Variants in RBM28 observed in about 807,000 individuals in gnomAD.
RBM28 encodes the protein RNA-binding protein 28.
A neutral mutation model predicts 98.3 loss-of-function variants in RBM28; 78 were observed. That is an observed-to-expected ratio of 0.79 (90% CI 0.66 to 0.96). The LOEUF (loss-of-function observed/expected upper bound fraction) is 0.96, where lower values mean the gene tolerates loss of function less well. Ranked by LOEUF, RBM28 falls within the 40% of genes least tolerant of loss-of-function variation. The pLI is 0.00. For synonymous variants in RBM28, 306 were observed against 330.9 expected (o/e 0.92, Z 0.82); for missense variants, 838 against 913.0 (o/e 0.92, Z 1.06).
At chr7:128,312,395 C>G (rs1256026419) in intron 18 of RBM28, among the ~76,000 whole-genome samples, 2 of 152,058 alleles carry the variant, frequency 1.3e-5, no homozygotes, top group Non-Finnish European at 2.9e-5. Flanking sequence ...CAAAACTCCA[C>G]CTCAAAAAAA....
In RBM28 at chr7:128,301,811, A is replaced by G. The variant is rs886885869; in HGVS notation, c.*8986T>C. 6.6e-6 allele frequency: 1 copy of G among 152,224 alleles called. No homozygotes were observed. The highest frequency in any genetic ancestry group is 1.5e-5 in the Non-Finnish European group (1 of 68,042). The allele number at this position is 152,224 out of a possible 1,614,324, so 9.4% of individuals were successfully genotyped here. A position where few individuals can be genotyped will look rare whatever the true frequency, so the allele number is the denominator to read the frequency against. On this transcript the variant is annotated 3_prime_UTR_variant, in exon 19 of 19. Transcript: ENST00000223073. ...ACTAGGGATTCCTAGGGGGTGGCCA[A>G]GAGAAGGAAAGACACCCCCACAGGA...
intron 1 of RBM28, among the ~76,000 whole-genome samples, chr7:128,343,339 T>C (rs775659685): frequency 1.3e-5 from 2 of 152,176 alleles, no homozygotes; most frequent in South Asian, 2.1e-4. Flanking sequence ...TCCGGTAAGA[T>C]TGCTGAGAAA....
At position 128,338,329 on chromosome 7, in the gene RBM28, G is replaced by A. The variant is rs367544004; in HGVS notation, c.462C>T (p.Arg154=). The A allele has an allele frequency of 1.1e-4, 174 of 1,613,820 alleles. No homozygotes were observed. Among genetic ancestry groups the A allele is most frequent in the Non-Finnish European group, 1.3e-4 (157 of 1,179,796 alleles). ...NIPRKPDGKM[R]GFGFVQFKNL... is the part of the protein sequence containing the mutation. ...TTTTGAACTGAACAAAACCAAAACC[G>A]CGCATCTTCCCATCTGTGTGCAAAT... The change falls in exon 5 of 19, where the codon CGC becomes CGT. Residue 154 remains arginine (R), a synonymous_variant. Coordinates refer to ENST00000223073, the MANE Select transcript of RBM28 (RefSeq NM_018077.3).
At chr7:128,329,365 C>T (rs1335946344) in intron 10 of RBM28, among the ~76,000 whole-genome samples, 1 of 152,214 alleles carries the variant, frequency 6.6e-6, no homozygotes, top group Non-Finnish European at 1.5e-5. Flanking sequence ...TCCCAAAGTG[C>T]TGGGATTACA....
intron 18 of RBM28, among the ~76,000 whole-genome samples, chr7:128,311,183 C>T (rs1206232597): frequency 1.3e-5 from 2 of 152,136 alleles, no homozygotes; most frequent in Non-Finnish European, 2.9e-5. Flanking sequence ...GACTCAGGGG[C>T]CTCTCTTACT....
At chr7:128,322,744 A>C (rs1232803534) in intron 13 of RBM28, among the ~76,000 whole-genome samples, 5 of 152,162 alleles carry the variant, frequency 3.3e-5, no homozygotes, top group Non-Finnish European at 7.3e-5. Context: ...TTCTCCAGTT[A>C]AGGATGGGTC....
chr7:128,321,453 C>T, intron 13 of RBM28, 29 bp from the exon 14 acceptor site: 3 of 1,613,462 alleles, frequency 1.9e-6, no homozygotes, highest in Non-Finnish European at 2.5e-6. Flanking sequence ...GTTAACAGTA[C>T]AACCCACTCT....
chr7:128,335,519 A>T, intron 8 of RBM28, 24 bp downstream of exon 8: 2 of 1,614,080 alleles, frequency 1.2e-6, no homozygotes, highest in South Asian at 1.1e-5. Context: ...AAGTCTAAAG[A>T]CATTTATGAA....
At chr7:128,313,131 G>T in intron 18 of RBM28, 44 bp downstream of exon 18, 1 of 1,570,484 alleles carries the variant, frequency 6.4e-7, no homozygotes, top group Non-Finnish European at 8.8e-7. Flanking sequence ...CTACGACCTG[G>T]CAGAACCATG....
intron 9 of RBM28, among the ~76,000 whole-genome samples, chr7:128,332,542 A>G (rs1477639452): frequency 6.6e-6 from 1 of 152,072 alleles, no homozygotes; most frequent in African/African-American, 2.4e-5. Context: ...TTTAGTAAAA[A>G]TGGGGTTTCA....
chr7:128,315,112 G>T, intron 16 of RBM28, 92 bp from the exon 17 acceptor site: 1 of 1,542,610 alleles, frequency 6.5e-7, no homozygotes, highest in South Asian at 1.1e-5. Flanking sequence ...TGAGCTAGAT[G>T]AAAGAAGAGG....
chr7:128,336,997 A>C (rs548374001), intron 6 of RBM28, 134 bp downstream of exon 6: 2 of 926,914 alleles, frequency 2.2e-6, no homozygotes, highest in East Asian at 5.0e-5. Context: ...ATCCACCCAA[A>C]GTGCTGGAAT....
rs76852230 is a variant in RBM28, at chr7:128,325,194, A to G, written c.1204-500T>C. Among the ~76,000 whole-genome samples, 228 of 152,258 alleles carry G rather than the reference A, an allele frequency of 1.5e-3. 5 individuals carry two copies. The East Asian group carries it at 0.038, about 26-fold the overall frequency. The stretch of plus-strand genomic sequence containing the variant: ...TACAAATGGATCACTGGGCCTCACA[A>G]TATTTAGTATAGCTGTGCAAAAGGC... On this transcript the variant is annotated intron_variant, in intron 11 of 18. Coordinates refer to ENST00000223073, the MANE Select transcript of RBM28 (RefSeq NM_018077.3).
rs148028531 is a variant in RBM28 at position 128,310,804 on chromosome 7, T to C, written c.2273A>G (p.Asp758Gly). ...APLAKRSKWF[D>G]S ...CCCAGCCTGCTGCCATCATCAACTA[T>C]CAAACCATTTGCTCCTCTTTGCAAG... Residue 758 changes from aspartate to glycine, a missense_variant, in exon 19 of 19, where the codon GAT (aspartate) becomes GGT (glycine). Transcript: ENST00000223073. The C allele has an allele frequency of 1.6e-3, 2,599 of 1,614,144 alleles. 6 individuals carry two copies. The highest frequency in any genetic ancestry group is 2.0e-3 in the Non-Finnish European group (2,377 of 1,180,022).
At chr7:128,343,582 G>A (rs1796774949) in intron 1 of RBM28, 94 bp downstream of exon 1, 2 of 856,796 alleles carry the variant, frequency 2.3e-6, no homozygotes, top group Non-Finnish European at 3.6e-6. Flanking sequence ...CTTCTCTTCG[G>A]GGAGGGTAAA....
intron 2 of RBM28, 120 bp downstream of exon 2, chr7:128,339,513 T>C: frequency 7.4e-7 from 1 of 1,348,548 alleles, no homozygotes; most frequent in Non-Finnish European, 1.0e-6. Flanking sequence ...ATTTTGGAGA[T>C]CAAAAAGAAA....
At chr7:128,322,574 G>A (rs1469193007) in intron 13 of RBM28, among the ~76,000 whole-genome samples, 1 of 152,158 alleles carries the variant, frequency 6.6e-6, no homozygotes, top group African/African-American at 2.4e-5. Context: ...TTTCTGTCAG[G>A]AAAAGCTGTG....
chr7:128,318,428 T>G (rs1796152129), intron 14 of RBM28, among the ~76,000 whole-genome samples: 1 of 148,576 alleles, frequency 6.7e-6, no homozygotes, highest in Non-Finnish European at 1.5e-5. Flanking sequence ...TGAGCCATGA[T>G]GGCACCACTG....
intron 10 of RBM28, among the ~76,000 whole-genome samples, chr7:128,328,217 A>G (rs1796396377): frequency 6.6e-6 from 1 of 152,256 alleles, no homozygotes; most frequent in Admixed American, 6.5e-5. Flanking sequence ...CAATAGAAAG[A>G]AACAAATAAG....
Sources: allele counts gnomAD v4.1 joint callset (sites outside exome capture counted in the v4.1 genomes callset), GRCh38; gene constraint gnomAD v4.1.1; transcripts MANE v1.5; gene names NCBI Gene and HGNC (gene_info 2026-07-23, HGNC 2026-07-21).